Variants in PCCA observed in about 807,000 individuals in gnomAD.
PCCA encodes propionyl-CoA carboxylase alpha chain, mitochondrial.
Under a neutral mutation model 101.3 loss-of-function variants are expected in PCCA, and 74 were observed. The ratio of observed to expected loss-of-function variants is 0.73; its 90% CI spans 0.61 to 0.89. The LOEUF (loss-of-function observed/expected upper bound fraction) is 0.89, where lower values mean the gene tolerates loss of function less well. Among genes scored for constraint, PCCA ranks in the 40% least tolerant of loss-of-function variants. PCCA has a pLI of 0.00. For missense variants in PCCA, 891 were observed against 907.0 expected, an observed-to-expected ratio of 0.98 and a Z score of 0.23; for synonymous variants, 294 against 313.6, an observed-to-expected ratio of 0.94 and a Z score of 0.66.
chr13:100,159,176 C>T (rs2054189650), intron 6 of PCCA, among the ~76,000 whole-genome samples: 1 of 141,556 alleles, frequency 7.1e-6, no homozygotes, highest in Non-Finnish European at 1.5e-5. Context: ...TCACTGCAAC[C>T]TCTGTCTCCT....
chr13:100,512,634 C>T (rs1434569629), intron 21 of PCCA, among the ~76,000 whole-genome samples: 1 of 152,204 alleles, frequency 6.6e-6, no homozygotes, highest in Non-Finnish European at 1.5e-5. Flanking sequence ...GCCTGTCACC[C>T]ACGCTGGCAT....
intron 20 of PCCA, among the ~76,000 whole-genome samples, chr13:100,431,200 A>G (rs959604090): frequency 1.3e-5 from 2 of 152,198 alleles, no homozygotes; most frequent in African/African-American, 2.4e-5. Context: ...TAGTATGACA[A>G]TGAACATTGA....
chr13:100,385,419 A>ATGAAAT (rs2076445576), intron 19 of PCCA, among the ~76,000 whole-genome samples: 1 of 152,206 alleles, frequency 6.6e-6, no homozygotes, highest in Non-Finnish European at 1.5e-5. Context: ...CAGAACTCTT[A>ATGAAAT]CAAATCAATA....
chr13:100,194,743 C>T (rs2057998489), intron 6 of PCCA, among the ~76,000 whole-genome samples: 1 of 152,136 alleles, frequency 6.6e-6, no homozygotes, highest in African/African-American at 2.4e-5. Context: ...AATATCTGAT[C>T]TGACGGACTA....
chr13:100,132,530 G>T (rs1031698744), intron 4 of PCCA, among the ~76,000 whole-genome samples: 1 of 152,186 alleles, frequency 6.6e-6, no homozygotes, highest in African/African-American at 2.4e-5. Context: ...GCATTGTGTG[G>T]ATGCACAGGT....
intron 21 of PCCA, among the ~76,000 whole-genome samples, chr13:100,456,348 G>C (rs929899915): frequency 1.3e-5 from 2 of 152,150 alleles, no homozygotes; most frequent in African/African-American, 4.8e-5. Flanking sequence ...GGTTAGGTGT[G>C]GACTTTTATG....
chr13:100,441,092 T>A (rs1329163229), intron 20 of PCCA, among the ~76,000 whole-genome samples: 1 of 152,204 alleles, frequency 6.6e-6, no homozygotes, highest in African/African-American at 2.4e-5. Flanking sequence ...GAGTTGCTTT[T>A]AAAATTTAAC....
rs547838414 is a variant in PCCA, at chr13:100,268,605, G to A, written c.820-84G>A. The A allele has an allele frequency of 3.5e-4, 329 of 927,312 alleles. 1 individual carries two copies. In the African/African-American group the frequency reaches 4.5e-3, roughly 13 times the overall value. 57.4% of individuals were successfully genotyped at this position (927,312 alleles called of 1,614,324 possible). A position where few individuals can be genotyped will look rare whatever the true frequency, so the allele number is the denominator to read the frequency against. On this transcript the variant is annotated intron_variant, in intron 10 of 23. Transcript: ENST00000376285. The stretch of plus-strand genomic sequence containing the variant: ...ATGAAGTTTGAATATTAAAAACCAA[G>A]AGATGTTGCATGCGGAAAATATTAA...
At chr13:100,152,904 C>T (rs188846397) in intron 4 of PCCA, among the ~76,000 whole-genome samples, 5 of 152,240 alleles carry the variant, frequency 3.3e-5, no homozygotes, top group Admixed American at 3.3e-4. Flanking sequence ...GATTCTCTCT[C>T]TCCTTTTTAC....
intron 22 of PCCA, among the ~76,000 whole-genome samples, chr13:100,520,955 T>C (rs1238368705): frequency 2.0e-5 from 3 of 152,154 alleles, no homozygotes; most frequent in Admixed American, 1.3e-4. Flanking sequence ...ATGTAAACTA[T>C]CTTTTTCTCT....
intron 4 of PCCA, among the ~76,000 whole-genome samples, chr13:100,152,460 T>G (rs1333202042): frequency 6.6e-6 from 1 of 152,094 alleles, no homozygotes; most frequent in Non-Finnish European, 1.5e-5. Flanking sequence ...TTTATTTATT[T>G]TTTTGAGACA....
intron 6 of PCCA, among the ~76,000 whole-genome samples, chr13:100,204,693 TC>T (rs1477579365): frequency 1.3e-5 from 2 of 152,140 alleles, no homozygotes; most frequent in Non-Finnish European, 2.9e-5. Context: ...CCCAACCCTT[TC>T]CCCCATTCTT....
chr13:100,103,233 A>G (rs1202715442), intron 2 of PCCA, among the ~76,000 whole-genome samples: 1 of 145,420 alleles, frequency 6.9e-6, no homozygotes, highest in African/African-American at 2.9e-5. Context: ...CAGCAGAATA[A>G]CTAAGAAAAC....
At chr13:100,178,994 A>G (rs1301534316) in intron 6 of PCCA, among the ~76,000 whole-genome samples, 3 of 150,916 alleles carry the variant, frequency 2.0e-5, no homozygotes, top group Non-Finnish European at 4.4e-5. Context: ...GGAGAATGGC[A>G]TGAACCCGGG....
chr13:100,447,564 C>G (rs974222176), intron 20 of PCCA, among the ~76,000 whole-genome samples: 2 of 150,268 alleles, frequency 1.3e-5, no homozygotes, highest in Admixed American at 6.6e-5. Context: ...CCCAGCTACT[C>G]AGGAAGCTGA....
At chr13:100,176,736 T>G (rs1342127673) in intron 6 of PCCA, among the ~76,000 whole-genome samples, 1 of 152,234 alleles carries the variant, frequency 6.6e-6, no homozygotes, top group African/African-American at 2.4e-5. Context: ...TATAAAGGCA[T>G]GTTAGTCACA....
At chr13:100,447,638 C>T (rs1390809836) in intron 20 of PCCA, among the ~76,000 whole-genome samples, 1 of 151,728 alleles carries the variant, frequency 6.6e-6, no homozygotes, top group Non-Finnish European at 1.5e-5. Flanking sequence ...TGCCATTGCG[C>T]TCCAGCCTGG....
chr13:100,139,705 A>C (rs1304036943), intron 4 of PCCA, among the ~76,000 whole-genome samples: 1 of 152,042 alleles, frequency 6.6e-6, no homozygotes, highest in Non-Finnish European at 1.5e-5. Flanking sequence ...GATAATTTCA[A>C]CATTTTTGTT....
chr13:100,198,885 C>T (rs1415391595), intron 6 of PCCA, among the ~76,000 whole-genome samples: 2 of 151,106 alleles, frequency 1.3e-5, no homozygotes, highest in Admixed American at 1.3e-4. Context: ...ACTGAAGCAT[C>T]CCAGCCAAAC....
Sources: gnomAD v4.1 joint callset for allele counts (sites outside exome capture counted in the v4.1 genomes callset) on GRCh38, gnomAD v4.1.1 for gene constraint, MANE v1.5 for transcripts, NCBI Gene and HGNC (gene_info 2026-07-23, HGNC 2026-07-21) for gene names.